Variants in MITF observed in about 807,000 individuals in gnomAD.
MITF encodes melanocyte inducing transcription factor.
MITF carries 17 observed loss-of-function variants against 60.5 expected under a neutral mutation model. The observed-to-expected ratio is 0.28, with a 90% confidence interval of 0.19 to 0.42. The LOEUF is 0.42. MITF is among the 10% of genes least tolerant of loss of function. The pLI is 1.00. For synonymous variants in MITF, 260 were observed against 248.5 expected, an observed-to-expected ratio of 1.05 and a Z score of -0.43; for missense variants, 622 against 683.5, an observed-to-expected ratio of 0.91 and a Z score of 1.00.
At chr3:69,843,665 A>G (rs9855819) in intron 1 of MITF, among the ~76,000 whole-genome samples, 75,861 of 152,012 alleles carry the variant, frequency 0.5, 20,564 homozygotes, top group Non-Finnish European at 0.63. Flanking sequence ...TTATGTATAT[A>G]GTTAGTCATG....
At chr3:69,964,764 A>G (rs2066640543) in intron 9 of MITF, 83 bp from the exon 10 acceptor site, 4 of 1,237,874 alleles carry the variant, frequency 3.2e-6, no homozygotes, top group Non-Finnish European at 4.7e-6. Flanking sequence ...CTACCATTAT[A>G]GTATCATATA....
chr3:69,884,353 G>A (rs1055309606), intron 2 of MITF, among the ~76,000 whole-genome samples: 22 of 152,018 alleles, frequency 1.4e-4, no homozygotes, highest in Admixed American at 1.4e-3. Flanking sequence ...CTTTTTATCA[G>A]GTAGACATAA....
chr3:69,907,384 A>G (rs541741770), intron 2 of MITF, among the ~76,000 whole-genome samples: 7 of 152,272 alleles, frequency 4.6e-5, no homozygotes, highest in East Asian at 1.9e-4. Context: ...GCACAAATCT[A>G]TTGGATATCT....
intron 2 of MITF, 74 bp downstream of exon 2, chr3:69,879,457 T>C: frequency 6.2e-7 from 1 of 1,602,468 alleles, no homozygotes; most frequent in Non-Finnish European, 8.5e-7. Flanking sequence ...TTTGTTTATC[T>C]GAATATGTAT....
At chr3:69,897,224 T>C (rs975174070) in intron 2 of MITF, among the ~76,000 whole-genome samples, 6 of 152,024 alleles carry the variant, frequency 3.9e-5, no homozygotes, top group African/African-American at 1.4e-4. Flanking sequence ...CTGGTGGAGA[T>C]GGTGGCGTTG....
intron 2 of MITF, among the ~76,000 whole-genome samples, chr3:69,907,063 T>C (rs548740299): frequency 4.5e-4 from 69 of 152,260 alleles, no homozygotes; most frequent in African/African-American, 1.5e-3. Flanking sequence ...TTTAACAAGT[T>C]ACCCAAAGCT....
chr3:69,812,711 G>C (rs1276473884), intron 1 of MITF, among the ~76,000 whole-genome samples: 1 of 152,118 alleles, frequency 6.6e-6, no homozygotes, highest in Admixed American at 6.5e-5. Flanking sequence ...TTATGAATTC[G>C]TGATAAAGTT....
intron 1 of MITF, among the ~76,000 whole-genome samples, chr3:69,832,434 C>G (rs1347530131): frequency 6.6e-6 from 1 of 152,202 alleles, no homozygotes; most frequent in African/African-American, 2.4e-5. Flanking sequence ...TGGGCAAGAT[C>G]TTCTACATTT....
In MITF at chr3:69,866,444, T is replaced by C. The variant is rs2064117227; in HGVS notation, c.105-12690T>C. Reference sequence around the variant, plus strand: ...GAGGATAAAGGAAGAGAAGGGTTTATTGGGAGTTAAAAATACTGAAGCTGT... The same window carrying C: ...GAGGATAAAGGAAGAGAAGGGTTTACTGGGAGTTAAAAATACTGAAGCTGT... On this transcript the variant is annotated intron_variant, in intron 1 of 9. Coordinates refer to ENST00000352241, the MANE Select transcript of MITF (RefSeq NM_001354604.2). 4 of 1,489,602 alleles carry C rather than the reference T, an allele frequency of 2.7e-6. No homozygotes were observed. The Admixed American group carries it at 8.4e-5, about 31-fold the overall frequency. The allele number at this position is 1,489,602 out of a possible 1,614,324, so 92.3% of individuals were successfully genotyped here. A position where few individuals can be genotyped will look rare whatever the true frequency, so the allele number is the denominator to read the frequency against.
intron 1 of MITF, among the ~76,000 whole-genome samples, chr3:69,844,876 G>T (rs1009900401): frequency 6.6e-6 from 1 of 152,036 alleles, no homozygotes; most frequent in African/African-American, 2.4e-5. Context: ...ATCAGATCTG[G>T]TAACATTGAA....
intron 9 of MITF, among the ~76,000 whole-genome samples, chr3:69,959,798 T>A (rs1447518682): frequency 6.6e-6 from 1 of 152,214 alleles, no homozygotes; most frequent in Non-Finnish European, 1.5e-5. Flanking sequence ...TGTTGGTGAT[T>A]TCGCTGTTTA....
intron 3 of MITF, 117 bp from the exon 4 acceptor site, chr3:69,938,981 A>G (rs2065906871): frequency 6.5e-7 from 1 of 1,546,014 alleles, no homozygotes; most frequent in African/African-American, 1.4e-5. Context: ...GTCAGATTCC[A>G]CTTTGTTTGA....
rs373076516 is a variant in MITF, at chr3:69,913,285, T to A, written c.355-24537T>A. On this transcript the variant is annotated intron_variant, in intron 2 of 9. Transcript: ENST00000352241. ...TGTATTTGTTTATATTTGTCTTTAT[T>A]CTTTTGGGATTTTTTGATGAGCTTG... Among the ~76,000 whole-genome samples, 3 of 152,174 alleles carry A rather than the reference T, an allele frequency of 2.0e-5. No individual in the cohort carries two copies. In the East Asian group the frequency reaches 5.8e-4, roughly 29 times the overall value.
At chr3:69,876,983 G>A (rs2064368744) in intron 1 of MITF, among the ~76,000 whole-genome samples, 2 of 152,084 alleles carry the variant, frequency 1.3e-5, no homozygotes, top group Non-Finnish European at 1.5e-5. Flanking sequence ...TCTCACCCTG[G>A]CAACTATCGT....
chr3:69,796,822 A>G (rs907028702), intron 1 of MITF, among the ~76,000 whole-genome samples: 1 of 152,164 alleles, frequency 6.6e-6, no homozygotes. Context: ...GGACAGAGTG[A>G]TTTGTTAGGC....
At chr3:69,876,217 C>G (rs1339400768) in intron 1 of MITF, among the ~76,000 whole-genome samples, 7 of 152,028 alleles carry the variant, frequency 4.6e-5, no homozygotes, top group African/African-American at 1.7e-4. Flanking sequence ...GATTTCTTCC[C>G]CCAGTATCAC....
chr3:69,745,046 A>G (rs905190970), intron 1 of MITF, among the ~76,000 whole-genome samples: 13 of 152,146 alleles, frequency 8.5e-5, no homozygotes, highest in Non-Finnish European at 1.8e-4. Flanking sequence ...GCATGAGGTG[A>G]TCATAATAAA....
At chr3:69,861,406 G>A (rs973037787) in intron 1 of MITF, among the ~76,000 whole-genome samples, 1 of 152,184 alleles carries the variant, frequency 6.6e-6, no homozygotes, top group African/African-American at 2.4e-5. Context: ...GTTGAATTAA[G>A]TGCTATAAAA....
chr3:69,746,236 C>T (rs1439741577), intron 1 of MITF, among the ~76,000 whole-genome samples: 1 of 152,194 alleles, frequency 6.6e-6, no homozygotes, highest in East Asian at 1.9e-4. Flanking sequence ...TTGAGTTCTG[C>T]AGTGCAGTTT....
Sources: gnomAD v4.1 joint callset for allele counts (sites outside exome capture counted in the v4.1 genomes callset) on GRCh38, gnomAD v4.1.1 for gene constraint, MANE v1.5 for transcripts, NCBI Gene and HGNC (gene_info 2026-07-23, HGNC 2026-07-21) for gene names.